SDK1: variants seen among roughly 807,000 people sequenced by gnomAD.
The protein encoded by SDK1 is protein sidekick-1.
SDK1 carries 157 observed loss-of-function variants against 245.5 expected under a neutral mutation model. The observed-to-expected ratio is 0.64, with a 90% CI of 0.56 to 0.73. The LOEUF (loss-of-function observed/expected upper bound fraction) is 0.73, where lower values mean the gene tolerates loss of function less well. Among genes scored for constraint, SDK1 ranks in the 30% least tolerant of loss-of-function variants. The probability of loss-of-function intolerance (pLI) is 0.00; values close to 1 mark genes in which losing one functional copy is unlikely to be tolerated. For missense variants in SDK1, 3,583 were observed against 3,002.3 expected (o/e 1.19, Z -4.52); for synonymous variants, 1,647 against 1,278.5 (o/e 1.29, Z -6.15).
chr7:3,706,423 A>G (rs1784890990), intron 4 of SDK1, among the ~76,000 whole-genome samples: 1 of 151,988 alleles, frequency 6.6e-6, no homozygotes, highest in Admixed American at 6.6e-5. Context: ...TTTCTTTTTT[A>G]TGGAGTCTTG....
chr7:3,662,550 G>A (rs1489927880), intron 4 of SDK1, among the ~76,000 whole-genome samples: 1 of 152,226 alleles, frequency 6.6e-6, no homozygotes, highest in Non-Finnish European at 1.5e-5. Context: ...GAGGTCCAGA[G>A]AGAAGAAGGG....
intron 1 of SDK1, chr7:3,475,929 A>T (rs1046946042): frequency 6.6e-6 from 1 of 152,586 alleles, no homozygotes; most frequent in Non-Finnish European, 1.5e-5. Flanking sequence ...CTTTCCCTTT[A>T]AAATTCTGTT....
chr7:3,375,150 A>G (rs1028943261), intron 1 of SDK1, among the ~76,000 whole-genome samples: 7 of 151,812 alleles, frequency 4.6e-5, no homozygotes, highest in East Asian at 1.9e-4. Flanking sequence ...GGGCTCTCAC[A>G]TGTAATAAAG....
chr7:4,233,537 G>A, intron 41 of SDK1, 118 bp downstream of exon 41: 2 of 962,652 alleles, frequency 2.1e-6, no homozygotes, highest in Non-Finnish European at 3.1e-6. Flanking sequence ...ATGGGGTCGA[G>A]GGGGACCCAG....
At chr7:3,459,950 C>T (rs191778081) in intron 1 of SDK1, among the ~76,000 whole-genome samples, 1 of 152,134 alleles carries the variant, frequency 6.6e-6, no homozygotes, top group Non-Finnish European at 1.5e-5. Context: ...AACTTGCCTG[C>T]CTCTTGGATA....
intron 1 of SDK1, among the ~76,000 whole-genome samples, chr7:3,410,677 C>G (rs766368697): frequency 1.3e-5 from 2 of 150,562 alleles, no homozygotes; most frequent in Non-Finnish European, 2.9e-5. Flanking sequence ...ACCTCCGCCT[C>G]CCAGGTTCAA....
chr7:4,129,344 GGAGGACAGCAGC>G (rs1385368096), intron 26 of SDK1, among the ~76,000 whole-genome samples: 2,566 of 144,932 alleles, frequency 0.018, 81 homozygotes, highest in African/African-American at 0.049. Context: ...GGGGTGCCCT[GGAGGACAGCAGC>G]TTGGGGTTGG....
chr7:3,962,904 A>C, intron 9 of SDK1, 53 bp downstream of exon 9: 1 of 1,316,198 alleles, frequency 7.6e-7, no homozygotes, highest in Non-Finnish European at 1.0e-6. Context: ...CAGTGAGTAC[A>C]CTCAGCCCCA....
intron 17 of SDK1, among the ~76,000 whole-genome samples, chr7:4,046,575 G>A (rs1055995326): frequency 1.2e-4 from 18 of 152,094 alleles, no homozygotes; most frequent in African/African-American, 4.3e-4. Flanking sequence ...TCTTTTCTTT[G>A]TGCTTTTATT....
At position 3,328,614 on chromosome 7, in the gene SDK1, A is replaced by AT. The variant is rs562330454; in HGVS notation, c.298+26738dup. Among the ~76,000 whole-genome samples the AT allele has an allele frequency of 4.1e-3, 630 of 152,052 alleles. 7 individuals carry two copies. Among genetic ancestry groups the AT allele is most frequent in the South Asian group, 0.018 (85 of 4,820 alleles). On this transcript the variant is annotated intron_variant, in intron 1 of 44. Transcript: ENST00000404826. Reference sequence around the variant, plus strand: ...CTTGTACTCAAAGATAACTGGTATGATTTTTTTTGTGTATTTTTTTCATAA... The same window carrying AT: ...CTTGTACTCAAAGATAACTGGTATGATTTTTTTTTGTGTATTTTTTTCATAA...
chr7:3,471,643 T>C (rs1225896602), intron 1 of SDK1, among the ~76,000 whole-genome samples: 1 of 152,196 alleles, frequency 6.6e-6, no homozygotes, highest in African/African-American at 2.4e-5. Context: ...GTAAGAAGTG[T>C]TGTCAACTTC....
At chr7:3,808,676 T>A (rs1274839053) in intron 4 of SDK1, among the ~76,000 whole-genome samples, 1 of 152,132 alleles carries the variant, frequency 6.6e-6, no homozygotes, top group African/African-American at 2.4e-5. Flanking sequence ...GATGGCTGTT[T>A]GATACATCAG....
intron 1 of SDK1, among the ~76,000 whole-genome samples, chr7:3,584,355 G>T (rs1780613258): frequency 6.6e-6 from 1 of 152,152 alleles, no homozygotes; most frequent in Admixed American, 6.5e-5. Context: ...AGTTTCACGT[G>T]AAACCCCATC....
intron 1 of SDK1, among the ~76,000 whole-genome samples, chr7:3,417,589 T>C (rs1779410287): frequency 6.6e-6 from 1 of 152,232 alleles, no homozygotes; most frequent in Non-Finnish European, 1.5e-5. Flanking sequence ...TGAGTATCTG[T>C]GCTCATTAAC....
intron 2 of SDK1, among the ~76,000 whole-genome samples, chr7:3,634,797 A>G (rs952009505): frequency 7.2e-5 from 11 of 152,228 alleles, no homozygotes; most frequent in African/African-American, 2.4e-4. Flanking sequence ...ACAAAACAGC[A>G]TATGCTTAAT....
In SDK1 at chr7:4,178,547, C is replaced by A; in HGVS notation, c.5059C>A (p.Pro1687Thr). 1 of 1,613,434 alleles carries A rather than the reference C, an allele frequency of 6.2e-7. No individual in the cohort carries two copies. ...MTAYNIIGES[P>T]ASAPVEVFVG... is the part of the protein sequence containing the mutation. ...CGCCTATAACATCATCGGCGAGAGC[C>A]CAGCCAGCGCGCCCGTGGAGGTCTT... Residue 1687 changes from proline (P) to threonine (T), a missense_variant, in exon 35 of 45, where the codon CCA becomes ACA. Physicochemically the swap from Pro to Thr is conservative, Grantham distance 38. Coordinates refer to ENST00000404826, the MANE Select transcript of SDK1 (RefSeq NM_152744.4).
At chr7:3,913,183 C>T (rs1013951530) in intron 5 of SDK1, among the ~76,000 whole-genome samples, 1 of 152,208 alleles carries the variant, frequency 6.6e-6, no homozygotes, top group Non-Finnish European at 1.5e-5. Context: ...ATGGAAATGC[C>T]TCCAGCTCCT....
intron 5 of SDK1, among the ~76,000 whole-genome samples, chr7:3,947,530 T>TGTG (rs1554286519): frequency 7.1e-6 from 1 of 140,376 alleles, no homozygotes; most frequent in Non-Finnish European, 1.5e-5. Flanking sequence ...AAGTATTTGC[T>TGTG]TGTGTGTGTG....
At chr7:3,393,195 C>T (rs987963724) in intron 1 of SDK1, among the ~76,000 whole-genome samples, 1 of 151,980 alleles carries the variant, frequency 6.6e-6, no homozygotes, top group Non-Finnish European at 1.5e-5. Context: ...TGGTCTTGAA[C>T]TCCTGACCTC....
Sources: allele counts gnomAD v4.1 joint callset (sites outside exome capture counted in the v4.1 genomes callset), GRCh38; gene constraint gnomAD v4.1.1; transcripts MANE v1.5; gene names NCBI Gene and HGNC (gene_info 2026-07-23, HGNC 2026-07-21).